CPM: variants seen among roughly 807,000 people sequenced by gnomAD.
CPM encodes renal carboxypeptidase.
CPM carries 35 observed loss-of-function variants against 46.4 expected under a neutral mutation model. That is an observed-to-expected ratio of 0.75 (90% CI 0.58 to 1.00). The LOEUF is 1.00. CPM is among the 50% of genes least tolerant of loss of function. The probability of loss-of-function intolerance (pLI) is 0.00; values close to 1 mark genes in which losing one functional copy is unlikely to be tolerated. For synonymous variants in CPM, 195 were observed against 195.3 expected, an observed-to-expected ratio of 1.00 and a Z score of 0.01; for missense variants, 422 against 530.4, an observed-to-expected ratio of 0.80 and a Z score of 2.01.
At position 68,856,582 on chromosome 12, in the gene CPM, A is replaced by C; in HGVS notation, c.1187T>G (p.Phe396Cys). 6.2e-7 allele frequency: 1 copy of C among 1,614,226 alleles called. No homozygotes were observed. The highest frequency in any genetic ancestry group is 8.5e-7 in the Non-Finnish European group (1 of 1,180,036). ...TGGGATAGAATCCAATTGCCCTTGG[A>C]ATGGAAGTAGAATATCCTTTTTAAG... Reference protein sequence around the residue: ...SALKKDILLPFQGQLDSIPVS... With the variant: ...SALKKDILLPCQGQLDSIPVS... The change falls in exon 9 of 9, where the codon TTC becomes TGC. Residue 396 changes from phenylalanine (F) to cysteine (C), a missense_variant. Transcript: ENST00000551568.
At chr12:68,866,803 G>A in intron 7 of CPM, 93 bp downstream of exon 7, 1 of 1,051,970 alleles carries the variant, frequency 9.5e-7, no homozygotes, top group East Asian at 2.4e-5. Flanking sequence ...TAACTACAAA[G>A]CATAAATAAA....
chr12:68,887,409 G>A (rs1259232626), intron 2 of CPM, among the ~76,000 whole-genome samples: 1 of 152,164 alleles, frequency 6.6e-6, no homozygotes, highest in Non-Finnish European at 1.5e-5. Context: ...GCATGCAGTT[G>A]CCATCAGGGA....
At chr12:68,898,730 G>T (rs1231581904) in intron 2 of CPM, among the ~76,000 whole-genome samples, 2 of 152,184 alleles carry the variant, frequency 1.3e-5, no homozygotes, top group Non-Finnish European at 1.5e-5. Flanking sequence ...GCAGGTTCCA[G>T]AATCAAAGTG....
intron 2 of CPM, among the ~76,000 whole-genome samples, chr12:68,909,318 T>G (rs61926289): frequency 0.19 from 28,320 of 152,146 alleles, 3,100 homozygotes; most frequent in African/African-American, 0.3. Flanking sequence ...CTCCTAAGTC[T>G]CTGGAACTGT....
chr12:68,882,365 AT>A (rs1886233732), intron 3 of CPM, among the ~76,000 whole-genome samples: 1 of 151,752 alleles, frequency 6.6e-6, no homozygotes, highest in Non-Finnish European at 1.5e-5. Context: ...TAGTTTGCTT[AT>A]AGATCTTGTT....
chr12:68,862,102 A>G (rs1445370649), intron 7 of CPM, among the ~76,000 whole-genome samples: 2 of 103,748 alleles, frequency 1.9e-5, no homozygotes, highest in Non-Finnish European at 4.2e-5. Context: ...AGCTGAATCA[A>G]GGCTCCAGTC....
At chr12:68,904,691 A>G (rs1432583710) in intron 2 of CPM, among the ~76,000 whole-genome samples, 2 of 152,222 alleles carry the variant, frequency 1.3e-5, no homozygotes, top group Admixed American at 6.5e-5. Context: ...TCCATTTAAC[A>G]CACAGAGAGG....
At chr12:68,916,676 G>A (rs1342275570) in intron 2 of CPM, among the ~76,000 whole-genome samples, 1 of 152,036 alleles carries the variant, frequency 6.6e-6, no homozygotes, top group East Asian at 1.9e-4. Flanking sequence ...AGATCACAAG[G>A]TCAGGAGTTC....
chr12:68,885,932 T>G, intron 2 of CPM, 43 bp from the exon 3 acceptor site: 1 of 1,547,242 alleles, frequency 6.5e-7, no homozygotes, highest in Non-Finnish European at 8.9e-7. Flanking sequence ...AAGTTGTCTC[T>G]TAAAATGACA....
chr12:68,906,058 T>A (rs565424477), intron 2 of CPM, among the ~76,000 whole-genome samples: 1 of 152,306 alleles, frequency 6.6e-6, no homozygotes, highest in South Asian at 2.1e-4. Flanking sequence ...TTCAAGATGG[T>A]GTTACCCTTG....
chr12:68,844,862 C>T, intron 5 of CPM: 1 of 202,208 alleles, frequency 4.9e-6, no homozygotes, highest in East Asian at 7.6e-5. Flanking sequence ...TGCCTCCTGG[C>T]TGTGTTCAAG....
chr12:68,921,316 A>T (rs1888033474), intron 2 of CPM, among the ~76,000 whole-genome samples: 2 of 150,854 alleles, frequency 1.3e-5, no homozygotes, highest in Admixed American at 1.3e-4. Context: ...TAATTTTTGT[A>T]ATTTTAGTAG....
At chr12:68,889,926 A>C (rs890147479) in intron 2 of CPM, among the ~76,000 whole-genome samples, 1 of 152,178 alleles carries the variant, frequency 6.6e-6, no homozygotes, top group African/African-American at 2.4e-5. Flanking sequence ...TGGGTACAAC[A>C]TAGCAGTTAC....
intron 6 of CPM, among the ~76,000 whole-genome samples, chr12:68,868,945 G>A (rs1382751911): frequency 2.0e-5 from 3 of 152,074 alleles, no homozygotes; most frequent in African/African-American, 7.2e-5. Flanking sequence ...GTGCACCCTT[G>A]GGGTACACTG....
At chr12:68,878,570 G>C (rs1886056009) in intron 3 of CPM, among the ~76,000 whole-genome samples, 1 of 152,056 alleles carries the variant, frequency 6.6e-6, no homozygotes, top group South Asian at 2.1e-4. Flanking sequence ...TCTCCGACCT[G>C]ACCAATCACC....
intron 3 of CPM, among the ~76,000 whole-genome samples, chr12:68,875,929 T>G (rs1440069855): frequency 6.6e-6 from 1 of 152,174 alleles, no homozygotes; most frequent in African/African-American, 2.4e-5. Flanking sequence ...AAAATAAAAT[T>G]TCATACAATA....
rs187854673 is a variant in CPM, at chr12:68,955,067, C to T, written c.-4+8102G>A. Among the ~76,000 whole-genome samples the T allele has an allele frequency of 7.4e-4, 113 of 152,284 alleles. 2 individuals carry two copies. Among genetic ancestry groups the T allele is most frequent in the African/African-American group, 2.5e-3 (103 of 41,560 alleles). ...TGCCCACACACCCCTTGCTGCTCCA[C>T]ATCTGGCTCATGTTTGGCAGGTGTG... On this transcript the variant is annotated intron_variant, in intron 1 of 8. Coordinates refer to the CPM transcript ENST00000546373.
chr12:68,882,002 G>A (rs1333554354), intron 3 of CPM, among the ~76,000 whole-genome samples: 5 of 147,664 alleles, frequency 3.4e-5, no homozygotes, highest in East Asian at 4.0e-4. Flanking sequence ...GATTACAGGC[G>A]TGAGCCACCA....
At chr12:68,871,602 C>A in intron 4 of CPM, 182 bp downstream of exon 4, 1 of 638,764 alleles carries the variant, frequency 1.6e-6, no homozygotes. Flanking sequence ...GCCTTATTTG[C>A]ATTTCTTCCT....
Sources: gnomAD v4.1 joint callset for allele counts (sites outside exome capture counted in the v4.1 genomes callset) on GRCh38, gnomAD v4.1.1 for gene constraint, MANE v1.5 for transcripts, NCBI Gene and HGNC (gene_info 2026-07-23, HGNC 2026-07-21) for gene names.